DLGAP2: variants seen among roughly 807,000 people sequenced by gnomAD.
The protein encoded by DLGAP2 is disks large-associated protein 2.
DLGAP2 carries 26 observed loss-of-function variants against 100.3 expected under a neutral mutation model. The observed-to-expected ratio is 0.26, with a 90% CI of 0.19 to 0.36. DLGAP2 has a LOEUF of 0.36. DLGAP2 is among the 10% of genes least tolerant of loss of function. The pLI, the probability that DLGAP2 is intolerant of heterozygous loss-of-function variation, is 1.00. For synonymous variants in DLGAP2, 886 were observed against 630.1 expected, an observed-to-expected ratio of 1.41 and a Z score of -6.08; for missense variants, 1,858 against 1,453.2, an observed-to-expected ratio of 1.28 and a Z score of -4.53.
intron 1 of DLGAP2, among the ~76,000 whole-genome samples, chr8:751,061 C>T (rs553601557): frequency 6.6e-6 from 1 of 150,952 alleles, no homozygotes; most frequent in Admixed American, 6.6e-5. Context: ...TCCTGGATCT[C>T]CGGCCACCCT....
intron 2 of DLGAP2, among the ~76,000 whole-genome samples, chr8:1,223,521 G>T (rs779067542): frequency 6.6e-6 from 1 of 152,206 alleles, no homozygotes; most frequent in Admixed American, 6.5e-5. Context: ...AAATATCATT[G>T]TATAAGAAGG....
At chr8:752,829 C>G (rs751024400) in intron 1 of DLGAP2, among the ~76,000 whole-genome samples, 1 of 152,192 alleles carries the variant, frequency 6.6e-6, no homozygotes, top group African/African-American at 2.4e-5. Flanking sequence ...CACTGCACGT[C>G]GGGCTCAGAG....
intron 1 of DLGAP2, among the ~76,000 whole-genome samples, chr8:766,336 C>A (rs1035360822): frequency 2.0e-5 from 3 of 152,350 alleles, no homozygotes; most frequent in Admixed American, 6.5e-5. Context: ...TGGCTGCACA[C>A]CCCTTGTTGG....
chr8:841,134 G>A (rs923923453), intron 1 of DLGAP2, among the ~76,000 whole-genome samples: 2 of 152,150 alleles, frequency 1.3e-5, no homozygotes, highest in East Asian at 1.9e-4. Context: ...ATTATGAAAT[G>A]GAGCAGTTCA....
chr8:871,183 C>G (rs1314245905), intron 1 of DLGAP2, among the ~76,000 whole-genome samples: 1 of 152,200 alleles, frequency 6.6e-6, no homozygotes, highest in African/African-American at 2.4e-5. Context: ...AGCCTGCACC[C>G]CTTCCCACAG....
chr8:1,199,946 C>G (rs952440625), intron 2 of DLGAP2, among the ~76,000 whole-genome samples: 5 of 151,674 alleles, frequency 3.3e-5, no homozygotes, highest in Non-Finnish European at 7.4e-5. Context: ...TTCCCCCCCA[C>G]AACCCCCCGC....
At chr8:749,352 A>G (rs748825179) in intron 1 of DLGAP2, among the ~76,000 whole-genome samples, 19 of 152,224 alleles carry the variant, frequency 1.2e-4, no homozygotes, top group Non-Finnish European at 2.4e-4. Flanking sequence ...TTAATATATT[A>G]CAAGTCAGCA....
intron 2 of DLGAP2, among the ~76,000 whole-genome samples, chr8:1,039,606 G>C (rs1213239048): frequency 6.9e-4 from 61 of 88,714 alleles, no homozygotes; most frequent in Non-Finnish European, 1.0e-3. Flanking sequence ...AGCTTGGTGT[G>C]CGTGGTCAGC....
chr8:1,285,433 T>C (rs930743961), intron 3 of DLGAP2, among the ~76,000 whole-genome samples: 1 of 152,212 alleles, frequency 6.6e-6, no homozygotes, highest in Non-Finnish European at 1.5e-5. Flanking sequence ...TTTTGGAAGA[T>C]ATTTGAGAAG....
intron 4 of DLGAP2, among the ~76,000 whole-genome samples, chr8:1,538,468 T>A (rs1801229334): frequency 6.6e-6 from 1 of 152,138 alleles, no homozygotes; most frequent in South Asian, 2.1e-4. Context: ...TCCTCTTAGA[T>A]CCCCGGGCTG....
chr8:1,184,994 T>G (rs995883414), intron 2 of DLGAP2, among the ~76,000 whole-genome samples: 1 of 151,270 alleles, frequency 6.6e-6, no homozygotes, highest in Non-Finnish European at 1.5e-5. Context: ...AGAGCAGGAG[T>G]GTGGGGAGCT....
rs767711046 is a variant in DLGAP2 at position 1,549,515 on chromosome 8, T to C, written c.1062T>C (p.Cys354=). 1.2e-6 allele frequency: 2 copies of C among 1,613,278 alleles called. No homozygotes were observed. Among genetic ancestry groups the C allele is most frequent in the East Asian group, 2.2e-5 (1 of 44,842 alleles). Residue 354 remains cysteine, a synonymous_variant, in exon 5 of 15, where the codon TGT becomes TGC. Transcript: ENST00000637795. The part of the protein sequence containing the change: ...KSNNDVKCSA[C]EGLALTPDAK... ...ACAACGACGTCAAGTGCTCGGCCTG[T>C]GAGGGGTTGGCGCTGACGCCCGACG...
intron 1 of DLGAP2, among the ~76,000 whole-genome samples, chr8:803,460 C>T (rs1796210078): frequency 6.6e-6 from 1 of 152,038 alleles, no homozygotes; most frequent in African/African-American, 2.4e-5. Context: ...CTTGAGGCCA[C>T]CTCTACTCTA....
chr8:1,425,974 A>T (rs1336037134), intron 3 of DLGAP2, among the ~76,000 whole-genome samples: 1 of 152,242 alleles, frequency 6.6e-6, no homozygotes, highest in Non-Finnish European at 1.5e-5. Context: ...GCTGGAGGAC[A>T]GCACTGAGCA....
chr8:1,004,052 A>G (rs1801037937), intron 2 of DLGAP2, among the ~76,000 whole-genome samples: 1 of 152,138 alleles, frequency 6.6e-6, no homozygotes, highest in Non-Finnish European at 1.5e-5. Context: ...TGCCCGATAC[A>G]TGTTAGGACA....
At chr8:1,296,835 A>G (rs1422823399) in intron 3 of DLGAP2, among the ~76,000 whole-genome samples, 1 of 152,220 alleles carries the variant, frequency 6.6e-6, no homozygotes. Context: ...CCCGAACCAC[A>G]CAGGACAGTG....
chr8:1,179,435 GCT>G (rs1491054270), intron 2 of DLGAP2, among the ~76,000 whole-genome samples: 10,934 of 152,316 alleles, frequency 0.072, 527 homozygotes, highest in Middle Eastern at 0.18. Flanking sequence ...GGAAGGCTCA[GCT>G]CCCTGCTGTC....
chr8:974,771 A>G (rs1325886558), intron 2 of DLGAP2, among the ~76,000 whole-genome samples: 2 of 152,226 alleles, frequency 1.3e-5, no homozygotes, highest in African/African-American at 4.8e-5. Flanking sequence ...AAATGTATTT[A>G]CCATTGAATA....
intron 1 of DLGAP2, among the ~76,000 whole-genome samples, chr8:859,138 G>T (rs1404654313): frequency 5.4e-5 from 8 of 147,950 alleles, no homozygotes; most frequent in African/African-American, 2.0e-4. Context: ...TTGAGATGGA[G>T]TCTCGCTCTA....
Sources: gnomAD v4.1 joint callset for allele counts (sites outside exome capture counted in the v4.1 genomes callset) on GRCh38, gnomAD v4.1.1 for gene constraint, MANE v1.5 for transcripts, NCBI Gene and HGNC (gene_info 2026-07-23, HGNC 2026-07-21) for gene names.